ABCA1: variants seen among roughly 807,000 people sequenced by gnomAD.
ABCA1 encodes the protein phospholipid-transporting ATPase ABCA1.
In ABCA1, 133 loss-of-function variants were observed where a neutral mutation model predicts 262.5. The ratio of observed to expected loss-of-function variants is 0.51; its 90% confidence interval spans 0.44 to 0.59. The LOEUF is 0.59. Ranked by LOEUF, ABCA1 falls within the 20% of genes least tolerant of loss-of-function variation. The pLI, the probability that ABCA1 is intolerant of heterozygous loss-of-function variation, is 0.00. For synonymous variants in ABCA1, 1,022 were observed against 1,043.5 expected, an observed-to-expected ratio of 0.98 and a Z score of 0.40; for missense variants, 2,452 against 2,777.5, an observed-to-expected ratio of 0.88 and a Z score of 2.63.
intron 2 of ABCA1, among the ~76,000 whole-genome samples, chr9:104,891,545 T>G (rs1479176454): frequency 6.6e-6 from 1 of 151,368 alleles, no homozygotes; most frequent in Non-Finnish European, 1.5e-5. Flanking sequence ...GGAGAATCAC[T>G]CGAACCCAGA....
At chr9:104,892,275 C>T (rs1308598410) in intron 2 of ABCA1, among the ~76,000 whole-genome samples, 2 of 151,976 alleles carry the variant, frequency 1.3e-5, no homozygotes, top group African/African-American at 2.4e-5. Context: ...TTGGGAATGA[C>T]ATTCAGCCTT....
chr9:104,784,350 GA>G lies in ABCA1; in HGVS notation c.6750del (p.Leu2251TyrfsTer6). On this transcript the variant is annotated frameshift_variant, in exon 50 of 50. Transcript: ENST00000374736. LOFTEE classifies it high-confidence loss of function. Reference protein sequence around the residue: ...TVVDVAVLTSFLQDEKVKESY... With the variant: ...TVVDVAVLTSXLQDEKVKESY... ...CTTTCTTTCACTTTCTCATCCTGTA[GA>G]AAAGATGTGAGAACTGCAACGTCCA... 6.2e-7 allele frequency: 1 copy of G among 1,614,092 alleles called. No individual in the cohort carries two copies. Among genetic ancestry groups the G allele is most frequent in the Non-Finnish European group, 8.5e-7 (1 of 1,179,990 alleles).
At position 104,829,021 on chromosome 9, in the gene ABCA1, G is replaced by A. The variant is rs1162452813; in HGVS notation, c.2010C>T (p.Thr670=). 2 of 1,614,150 alleles carry A rather than the reference G, an allele frequency of 1.2e-6. No individual in the cohort carries two copies. The highest frequency in any genetic ancestry group is 1.7e-6 in the Non-Finnish European group (2 of 1,180,042). Residue 670 remains threonine, a synonymous_variant, in exon 15 of 50, where the codon ACC becomes ACT. Coordinates refer to ENST00000374736, the MANE Select transcript of ABCA1 (RefSeq NM_005502.4). ...TGTTGTCCAGGCCCATGATCCGCAT[G>A]GTCTCTTTCAGCCGTGCCTCCTTCT... The part of the protein sequence containing the change: ...VYEKEARLKE[T]MRIMGLDNSI...
At position 104,811,354 on chromosome 9, in the gene ABCA1, C is replaced by T. The variant is rs140629115; in HGVS notation, c.4051-430G>A. 1.9e-3 allele frequency among the ~76,000 whole-genome samples: 292 copies of T among 152,300 alleles called. 3 individuals are homozygous for T. The highest frequency in any genetic ancestry group is 0.018 in the Admixed American group (278 of 15,304). ...GCACAAGTGTACCCATGTGAAGTCA[C>T]GCTCCCCACTGGCCTCAGTTTTCTC... is the stretch of plus-strand genomic sequence containing the variant. On this transcript the variant is annotated intron_variant, in intron 28 of 49. Transcript: ENST00000374736.
chr9:104,821,096 A>G (rs1832295660), intron 20 of ABCA1, among the ~76,000 whole-genome samples: 1 of 152,084 alleles, frequency 6.6e-6, no homozygotes, highest in Non-Finnish European at 1.5e-5. Flanking sequence ...CACAAAAATT[A>G]GCTGGGCATG....
intron 5 of ABCA1, among the ~76,000 whole-genome samples, chr9:104,875,029 G>A (rs2119149583): frequency 6.6e-6 from 1 of 152,070 alleles, no homozygotes; most frequent in East Asian, 1.9e-4. Flanking sequence ...GATGACAATG[G>A]CAGTTTTGTC....
At chr9:104,831,185 A>G (rs1266142387) in intron 13 of ABCA1, 84 bp from the exon 14 acceptor site, 2 of 1,235,998 alleles carry the variant, frequency 1.6e-6, no homozygotes, top group East Asian at 2.9e-5. Flanking sequence ...CCAAAACCCT[A>G]CTACCCTTAC....
At chr9:104,868,472 G>A (rs749032956) in intron 5 of ABCA1, among the ~76,000 whole-genome samples, 7 of 152,328 alleles carry the variant, frequency 4.6e-5, no homozygotes, top group East Asian at 1.9e-4. Flanking sequence ...CCAAGTGTTC[G>A]CTCGGGTAAC....
chr9:104,924,570 A>G (rs947958688), intron 1 of ABCA1, among the ~76,000 whole-genome samples: 1 of 151,546 alleles, frequency 6.6e-6, no homozygotes. Context: ...AGATCATTCT[A>G]CTGCGCTCCA....
chr9:104,875,206 T>C (rs1838044095), intron 5 of ABCA1, among the ~76,000 whole-genome samples: 1 of 151,358 alleles, frequency 6.6e-6, no homozygotes, highest in South Asian at 2.1e-4. Context: ...AGCAGGGTGT[T>C]GTGGCATGCG....
At chr9:104,814,029 TA>T (rs1459060093) in intron 27 of ABCA1, 88 bp downstream of exon 27, 23 of 1,372,576 alleles carry the variant, frequency 1.7e-5, no homozygotes, top group Non-Finnish European at 2.3e-5. Flanking sequence ...TCACCTTGGC[TA>T]AAGGCCATCC....
chr9:104,832,922 G>A, intron 11 of ABCA1, 151 bp from the exon 12 acceptor site: 2 of 754,240 alleles, frequency 2.7e-6, no homozygotes, highest in Middle Eastern at 3.6e-4. Context: ...TTATATGTGA[G>A]AAGACTGAGG....
intron 5 of ABCA1, among the ~76,000 whole-genome samples, chr9:104,878,495 C>A (rs1234345461): frequency 6.6e-6 from 1 of 152,154 alleles, no homozygotes; most frequent in African/African-American, 2.4e-5. Context: ...CTGCCTGGAG[C>A]AGCAGGGGGG....
chr9:104,794,944 A>C (rs1244975367), intron 39 of ABCA1, among the ~76,000 whole-genome samples: 1 of 152,224 alleles, frequency 6.6e-6, no homozygotes, highest in East Asian at 1.9e-4. Flanking sequence ...CAGTGGCCAA[A>C]TATCTACCAA....
intron 7 of ABCA1, among the ~76,000 whole-genome samples, chr9:104,854,634 A>G (rs954913049): frequency 6.6e-6 from 1 of 152,082 alleles, no homozygotes; most frequent in Non-Finnish European, 1.5e-5. Flanking sequence ...CCCAAGAGAA[A>G]GTTAAGAAAA....
At chr9:104,792,115 C>G (rs1259068212) in intron 42 of ABCA1, 117 bp from the exon 43 acceptor site, 2 of 939,980 alleles carry the variant, frequency 2.1e-6, no homozygotes, top group Non-Finnish European at 1.7e-6. Context: ...TGTCAATAAC[C>G]CTAAGCCATA....
rs1377897112 is a variant in ABCA1, at chr9:104,882,941, A to G, written c.421+98T>C. 3.3e-6 allele frequency: 4 copies of G among 1,198,350 alleles called. No individual in the cohort carries two copies. The African/African-American group carries it at 4.5e-5, about 14-fold the overall frequency. The allele number at this position is 1,198,350 out of a possible 1,614,324, so 74.2% of individuals were successfully genotyped here. On this transcript the variant is annotated intron_variant, in intron 5 of 49. Coordinates refer to ENST00000374736, the MANE Select transcript of ABCA1 (RefSeq NM_005502.4). ...CAAGGAGAAAAACCCCTTGGGGAAG[A>G]TCTAATGGGAACAAGCCCCAGACAC...
At chr9:104,841,441 A>AAAAAAGAAAAAG (rs3837273) in intron 8 of ABCA1, among the ~76,000 whole-genome samples, 1 of 150,792 alleles carries the variant, frequency 6.6e-6, no homozygotes, top group East Asian at 2.0e-4. Flanking sequence ...AGTCTTAAAA[A>AAAAAAGAAAAAG]AAAAAGAAAA....
intron 1 of ABCA1, among the ~76,000 whole-genome samples, chr9:104,906,749 TC>T (rs1390873498): frequency 0.083 from 5,637 of 67,902 alleles, 155 homozygotes; most frequent in African/African-American, 0.17. Flanking sequence ...CAAACCAAAA[TC>T]AAAAAAAAAA....
Sources: gnomAD v4.1 joint callset for allele counts (sites outside exome capture counted in the v4.1 genomes callset) on GRCh38, gnomAD v4.1.1 for gene constraint, MANE v1.5 for transcripts, NCBI Gene and HGNC (gene_info 2026-07-23, HGNC 2026-07-21) for gene names.